OR51E1: variants seen among roughly 807,000 people sequenced by gnomAD.
OR51E1 encodes the protein olfactory receptor family 51 subfamily E member 1.
Under a neutral mutation model 11.5 loss-of-function variants are expected in OR51E1, and 9 were observed. The observed-to-expected ratio is 0.78, with a 90% confidence interval of 0.47 to 1.37. The LOEUF (loss-of-function observed/expected upper bound fraction) is 1.37. OR51E1 is among the 40% of genes most tolerant of loss of function. The pLI, the probability that OR51E1 is intolerant of heterozygous loss-of-function variation, is 0.00. For synonymous variants in OR51E1, 168 were observed against 158.3 expected (o/e 1.06, Z -0.46); for missense variants, 397 against 410.2 (o/e 0.97, Z 0.28).
At chr11:4,646,525 C>G (rs1033086280) in intron 1 of OR51E1, among the ~76,000 whole-genome samples, 1 of 152,208 alleles carries the variant, frequency 6.6e-6, no homozygotes, top group South Asian at 2.1e-4. Flanking sequence ...CCTTATCTGT[C>G]AAATGGGATT....
chr11:4,652,931 T>C lies in OR51E1; in HGVS notation c.405T>C (p.His135=). 6.2e-7 allele frequency: 1 copy of C among 1,610,006 alleles called. No individual in the cohort carries two copies. The change falls in exon 2 of 2, where the codon CAT becomes CAC. Residue 135 remains histidine (H), a synonymous_variant. Coordinates refer to ENST00000396952, the MANE Select transcript of OR51E1 (RefSeq NM_152430.4). ...RYVAICHPLR[H]ATVLTLPRVT... ...TGGCCATCTGTCACCCACTGCGCCATGCCACAGTACTTACGTTGCCTCGTG... is the reference window on the plus strand; with the variant it reads ...TGGCCATCTGTCACCCACTGCGCCACGCCACAGTACTTACGTTGCCTCGTG...
At chr11:4,645,337 C>T (rs1222044523) in intron 1 of OR51E1, among the ~76,000 whole-genome samples, 1 of 152,184 alleles carries the variant, frequency 6.6e-6, no homozygotes, top group African/African-American at 2.4e-5. Flanking sequence ...TACCTGCCTG[C>T]AGCAGGTCCC....
Position 4,654,231 on chromosome 11 carries a change from G to T in OR51E1, c.*748G>T, listed in dbSNP as rs12805868. 6.0e-6 allele frequency: 1 copy of T among 166,824 alleles called. No homozygotes were observed. Among genetic ancestry groups the T allele is most frequent in the Non-Finnish European group, 1.5e-5 (1 of 68,068 alleles). The allele number at this position is 166,824 out of a possible 1,614,324, so 10.3% of individuals were successfully genotyped here. On this transcript the variant is annotated 3_prime_UTR_variant, in exon 2 of 2. Transcript: ENST00000396952. ...ACAAGTATAAAAATTAAAAAAAAAA[G>T]ACTTCATGCCCAATCTCATATGATG... is the stretch of plus-strand genomic sequence containing the variant.
Position 4,653,711 on chromosome 11 carries a change from T to A in OR51E1, c.*228T>A. The A allele has an allele frequency of 2.2e-6, 1 of 456,292 alleles. No individual in the cohort carries two copies. The highest frequency in any genetic ancestry group is 4.0e-6 in the Non-Finnish European group (1 of 249,366). 28.3% of individuals were successfully genotyped at this position (456,292 alleles called of 1,614,324 possible). On this transcript the variant is annotated 3_prime_UTR_variant, in exon 2 of 2. Transcript: ENST00000396952. Reference sequence around the variant, plus strand: ...CCCTGACTAGGTTGTGGTTGGAGGGTTATTACTTTTCATTTTACCATGCAG... The same window carrying A: ...CCCTGACTAGGTTGTGGTTGGAGGGATATTACTTTTCATTTTACCATGCAG...
chr11:4,646,253 A>T (rs1320960393), intron 1 of OR51E1, among the ~76,000 whole-genome samples: 2 of 152,190 alleles, frequency 1.3e-5, no homozygotes, highest in Non-Finnish European at 2.9e-5. Context: ...TTTAGCCCAG[A>T]TAGTGACACT....
Position 4,652,920 on chromosome 11 carries a change from C to T in OR51E1, c.394C>T (p.Pro132Ser), listed in dbSNP as rs752421965. The change falls in exon 2 of 2, where the codon CCA (proline) becomes TCA (serine). Residue 132 changes from proline (P) to serine (S), a missense_variant. Coordinates refer to ENST00000396952, the MANE Select transcript of OR51E1 (RefSeq NM_152430.4). The part of the protein sequence containing the change: ...AFDRYVAICH[P>S]LRHATVLTLP... Reference sequence around the variant, plus strand: ...TGACCGCTATGTGGCCATCTGTCACCCACTGCGCCATGCCACAGTACTTAC... The same window carrying T: ...TGACCGCTATGTGGCCATCTGTCACTCACTGCGCCATGCCACAGTACTTAC... The T allele has an allele frequency of 1.2e-6, 2 of 1,610,716 alleles. No individual in the cohort carries two copies. Among genetic ancestry groups the T allele is most frequent in the Non-Finnish European group, 1.7e-6 (2 of 1,178,172 alleles).
chr11:4,644,891 C>G (rs1003496508), intron 1 of OR51E1, among the ~76,000 whole-genome samples: 1 of 152,148 alleles, frequency 6.6e-6, no homozygotes, highest in East Asian at 1.9e-4. Context: ...CTCTGTTGTG[C>G]TCTTGATGCT....
At chr11:4,649,877 G>A (rs2133225801) in intron 1 of OR51E1, among the ~76,000 whole-genome samples, 1 of 152,230 alleles carries the variant, frequency 6.6e-6, no homozygotes, top group Non-Finnish European at 1.5e-5. Context: ...CCCCCTATTA[G>A]CCAGGGACTC....
At chr11:4,652,150 T>C (rs979713821) in intron 1 of OR51E1, among the ~76,000 whole-genome samples, 1 of 152,168 alleles carries the variant, frequency 6.6e-6, no homozygotes, top group Non-Finnish European at 1.5e-5. Flanking sequence ...ATAGAGGAAA[T>C]GGTGAGATAT....
chr11:4,645,419 T>C (rs948818478), intron 1 of OR51E1, among the ~76,000 whole-genome samples: 5 of 152,212 alleles, frequency 3.3e-5, no homozygotes, highest in Non-Finnish European at 4.4e-5. Context: ...TGAGCTATTG[T>C]TGTCTTTGCT....
intron 1 of OR51E1, among the ~76,000 whole-genome samples, chr11:4,651,783 T>C (rs1409959471): frequency 6.6e-6 from 1 of 152,200 alleles, no homozygotes; most frequent in African/African-American, 2.4e-5. Context: ...CTTTGGGTGG[T>C]CATTTGGACA....
At chr11:4,651,024 A>G (rs921108335) in intron 1 of OR51E1, among the ~76,000 whole-genome samples, 2 of 142,686 alleles carry the variant, frequency 1.4e-5, no homozygotes, top group South Asian at 5.1e-4. Context: ...GCACATGAAT[A>G]TTTGTCGATG....
intron 1 of OR51E1, among the ~76,000 whole-genome samples, chr11:4,645,559 C>G (rs1847021260): frequency 6.6e-6 from 1 of 152,188 alleles, no homozygotes; most frequent in Admixed American, 6.5e-5. Context: ...TGGAGTCTGG[C>G]ACAGAAGTCC....
Position 4,652,496 on chromosome 11 carries a change from T to A in OR51E1, c.-31T>A. On this transcript the variant is annotated 5_prime_UTR_variant, in exon 2 of 2. Coordinates refer to ENST00000396952, the MANE Select transcript of OR51E1 (RefSeq NM_152430.4). ...TTATCTTTGCATTCCAGCCTCTACC[T>A]GCCTGGTGCTGGTCACAGTTCAGCT... The A allele has an allele frequency of 6.7e-7, 1 of 1,483,170 alleles. No homozygotes were observed. The highest frequency in any genetic ancestry group is 9.4e-7 in the Non-Finnish European group (1 of 1,069,096). 91.9% of individuals were successfully genotyped at this position (1,483,170 alleles called of 1,614,324 possible). A position where few individuals can be genotyped will look rare whatever the true frequency, so the allele number is the denominator to read the frequency against.
chr11:4,647,222 A>G (rs911624581), intron 1 of OR51E1, among the ~76,000 whole-genome samples: 1 of 152,298 alleles, frequency 6.6e-6, no homozygotes, highest in African/African-American at 2.4e-5. Flanking sequence ...ATCTATGTTC[A>G]TATTATAAAA....
At chr11:4,649,185 A>G (rs1309587315) in intron 1 of OR51E1, among the ~76,000 whole-genome samples, 1 of 152,246 alleles carries the variant, frequency 6.6e-6, no homozygotes, top group Non-Finnish European at 1.5e-5. Context: ...AGCAATAATT[A>G]TAGTTACTAT....
In OR51E1 at chr11:4,654,866, CAT is replaced by C. The variant is rs915212219; in HGVS notation, c.*1384_*1385del. On this transcript the variant is annotated 3_prime_UTR_variant, in exon 2 of 2. Transcript: ENST00000396952. ...GAAACTCAAATTACAAATACTAAAA[CAT>C]GTGATCATATATGTGGTAAGTTTCA... The C allele has an allele frequency of 1.2e-5, 2 of 167,244 alleles. No individual in the cohort carries two copies. The highest frequency in any genetic ancestry group is 2.4e-5 in the African/African-American group (1 of 41,592). 10.4% of individuals were successfully genotyped at this position (167,244 alleles called of 1,614,324 possible).
intron 1 of OR51E1, among the ~76,000 whole-genome samples, chr11:4,645,594 T>C (rs1220073800): frequency 2.0e-5 from 3 of 152,204 alleles, no homozygotes; most frequent in Admixed American, 2.0e-4. Context: ...AAAAAATGAG[T>C]ACACTGATCA....
At chr11:4,651,615 A>G (rs537756733) in intron 1 of OR51E1, among the ~76,000 whole-genome samples, 5 of 152,316 alleles carry the variant, frequency 3.3e-5, no homozygotes, top group African/African-American at 1.2e-4. Context: ...TCCTCTGGAA[A>G]GAAGGGGAGC....
Sources: allele counts gnomAD v4.1 joint callset (sites outside exome capture counted in the v4.1 genomes callset), GRCh38; gene constraint gnomAD v4.1.1; transcripts MANE v1.5; gene names NCBI Gene and HGNC (gene_info 2026-07-23, HGNC 2026-07-21).